Variants in SPATS2 observed in about 807,000 individuals in gnomAD.
SPATS2 encodes the protein spermatogenesis-associated serine-rich protein 2.
In SPATS2, 38 loss-of-function variants were observed where a neutral mutation model predicts 63.7. The observed-to-expected ratio is 0.60, with a 90% CI of 0.46 to 0.78. SPATS2 has a LOEUF of 0.78. Among genes scored for constraint, SPATS2 ranks in the 30% least tolerant of loss-of-function variants. The pLI is 0.00. For missense variants in SPATS2, 588 were observed against 666.2 expected, an observed-to-expected ratio of 0.88 and a Z score of 1.29; for synonymous variants, 207 against 232.9, an observed-to-expected ratio of 0.89 and a Z score of 1.01.
rs371477342 is a variant in SPATS2 at position 49,524,707 on chromosome 12, G to T, written c.1137G>T (p.Ser379=). ...TGTCTCATCCAAAGAACAGCTATTC[G>T]ACCAGATCCCGATGTAGCTCAGTTA... ...GQVSHPKNSY[S]TRSRCSSVTS... The change falls in exon 13 of 14, where the codon TCG becomes TCT. Residue 379 remains serine (S), a synonymous_variant. Transcript: ENST00000552918. 7 of 1,613,908 alleles carry T rather than the reference G, an allele frequency of 4.3e-6. No individual in the cohort carries two copies. Among genetic ancestry groups the T allele is most frequent in the Non-Finnish European group, 5.9e-6 (7 of 1,180,034 alleles).
At chr12:49,440,554 C>T (rs1945398653) in intron 2 of SPATS2, among the ~76,000 whole-genome samples, 1 of 151,778 alleles carries the variant, frequency 6.6e-6, no homozygotes, top group East Asian at 1.9e-4. Context: ...CTGCAACTTC[C>T]ACCTCCCGAG....
chr12:49,458,101 T>C (rs1945751469), intron 2 of SPATS2, among the ~76,000 whole-genome samples: 1 of 152,208 alleles, frequency 6.6e-6, no homozygotes, highest in African/African-American at 2.4e-5. Context: ...CTTTCCTTCT[T>C]GCATTGCATT....
rs111817539 is a variant in SPATS2 at position 49,450,716 on chromosome 12, G to A, written c.-243-10054G>A. 7.5e-3 allele frequency among the ~76,000 whole-genome samples: 1,136 copies of A among 151,492 alleles called. 10 individuals are homozygous for A. The highest frequency in any genetic ancestry group is 0.026 in the African/African-American group (1,070 of 41,234). On this transcript the variant is annotated intron_variant, in intron 2 of 13. Coordinates refer to ENST00000552918, the MANE Select transcript of SPATS2 (RefSeq NM_023071.4). The stretch of plus-strand genomic sequence containing the variant: ...GCGTCACCATGCCCAGCTAATTTTT[G>A]TATTTTTAGTAGAGATAGGGTTTCT...
intron 9 of SPATS2, among the ~76,000 whole-genome samples, chr12:49,503,340 A>T (rs1173645659): frequency 7.2e-6 from 1 of 138,732 alleles, no homozygotes; most frequent in African/African-American, 2.8e-5. Flanking sequence ...ATAGGGCGAG[A>T]CTCCATCTCA....
rs1218019445 is a variant in SPATS2 at position 49,426,205 on chromosome 12, C to CTT, written c.-243-34554_-243-34553dup. 3.3e-3 allele frequency among the ~76,000 whole-genome samples: 483 copies of CTT among 146,348 alleles called. 4 individuals are homozygous for CTT. The highest frequency in any genetic ancestry group is 0.011 in the African/African-American group (455 of 40,226). On this transcript the variant is annotated intron_variant, in intron 2 of 13. Transcript: ENST00000552918. Reference sequence around the variant, plus strand: ...AGTTTTTTTCTTTGTTTTTGGTAAACTTTTTTTTTTTTGATGTGTAATACA... The same window carrying CTT: ...AGTTTTTTTCTTTGTTTTTGGTAAACTTTTTTTTTTTTTTGATGTGTAATACA...
intron 2 of SPATS2, among the ~76,000 whole-genome samples, chr12:49,457,667 A>T (rs1347785130): frequency 2.6e-5 from 4 of 152,126 alleles, no homozygotes; most frequent in African/African-American, 9.7e-5. Context: ...TCCTGACCTC[A>T]GGTAATCCAC....
rs575736638 is a variant in SPATS2 at position 49,489,323 on chromosome 12, T to G, written c.106-142T>G. ...CTATTAATCATTCCCAGTGAGATGCTTGTATGTACTGTCACTGACACTAAA... is the reference window on the plus strand; with the variant it reads ...CTATTAATCATTCCCAGTGAGATGCGTGTATGTACTGTCACTGACACTAAA... On this transcript the variant is annotated intron_variant, in intron 4 of 13. Coordinates refer to ENST00000552918, the MANE Select transcript of SPATS2 (RefSeq NM_023071.4). 5.9e-6 allele frequency: 3 copies of G among 509,136 alleles called. No homozygotes were observed. The East Asian group carries it at 9.6e-5, about 16-fold the overall frequency. 31.5% of individuals were successfully genotyped at this position (509,136 alleles called of 1,614,324 possible). A position where few individuals can be genotyped will look rare whatever the true frequency, so the allele number is the denominator to read the frequency against.
chr12:49,472,078 T>C (rs1404286827), intron 3 of SPATS2, among the ~76,000 whole-genome samples: 1 of 151,980 alleles, frequency 6.6e-6, no homozygotes, highest in Non-Finnish European at 1.5e-5. Flanking sequence ...GTTGAGTCTA[T>C]AGTGAGCCAA....
intron 2 of SPATS2, among the ~76,000 whole-genome samples, chr12:49,394,127 T>G (rs1040886425): frequency 1.3e-5 from 2 of 151,938 alleles, no homozygotes. Context: ...GTGGGAAAAT[T>G]GCTTGAGCCC....
chr12:49,461,152 T>C, intron 3 of SPATS2, 115 bp downstream of exon 3: 1 of 1,069,078 alleles, frequency 9.4e-7, no homozygotes, highest in Non-Finnish European at 1.4e-6. Context: ...TACAAGTATT[T>C]ATGGATATTA....
At chr12:49,429,000 G>C (rs774012643) in intron 2 of SPATS2, among the ~76,000 whole-genome samples, 11 of 152,202 alleles carry the variant, frequency 7.2e-5, no homozygotes, top group African/African-American at 2.4e-4. Flanking sequence ...GCGAGGAGGA[G>C]GGCGCAGACA....
intron 11 of SPATS2, among the ~76,000 whole-genome samples, chr12:49,519,558 C>G (rs145500995): frequency 6.6e-6 from 1 of 151,114 alleles, no homozygotes; most frequent in Non-Finnish European, 1.5e-5. Flanking sequence ...CTGCCCCACC[C>G]GCCCCACCCT....
At chr12:49,404,289 A>ATTT (rs776854381) in intron 2 of SPATS2, among the ~76,000 whole-genome samples, 1 of 124,630 alleles carries the variant, frequency 8.0e-6, no homozygotes. Flanking sequence ...TTTTTTTTTC[A>ATTT]TTTTTTTTTT....
chr12:49,480,697 A>G (rs1278096832), intron 3 of SPATS2, among the ~76,000 whole-genome samples: 1 of 152,008 alleles, frequency 6.6e-6, no homozygotes, highest in Non-Finnish European at 1.5e-5. Flanking sequence ...TAAGGAACCA[A>G]CATGTGGTTT....
chr12:49,392,685 C>G (rs1260070848), intron 2 of SPATS2, among the ~76,000 whole-genome samples: 4 of 151,932 alleles, frequency 2.6e-5, no homozygotes, highest in Non-Finnish European at 5.9e-5. Flanking sequence ...TGCACTCCAG[C>G]GCCTAGGCAA....
intron 3 of SPATS2, among the ~76,000 whole-genome samples, chr12:49,474,252 CAATT>C (rs776399189): frequency 7.9e-5 from 12 of 152,142 alleles, no homozygotes; most frequent in Admixed American, 6.6e-4. Flanking sequence ...ATAATTTTAA[CAATT>C]AGTTGGAGAC....
At chr12:49,524,569 C>A in intron 12 of SPATS2, 113 bp from the exon 13 acceptor site, 1 of 1,123,498 alleles carries the variant, frequency 8.9e-7, no homozygotes, top group Non-Finnish European at 1.3e-6. Context: ...TTTCTTTATT[C>A]GAATAGACAG....
chr12:49,506,539 C>A (rs1342788434), intron 9 of SPATS2, among the ~76,000 whole-genome samples: 1 of 152,162 alleles, frequency 6.6e-6, no homozygotes, highest in African/African-American at 2.4e-5. Flanking sequence ...CCTGGCCCCA[C>A]CCTTGACACT....
intron 2 of SPATS2, among the ~76,000 whole-genome samples, chr12:49,373,299 A>G (rs1288362626): frequency 2.6e-5 from 4 of 152,030 alleles, no homozygotes; most frequent in African/African-American, 2.4e-5. Flanking sequence ...TAAATGTTAC[A>G]TGGAAGTTAA....
Sources: allele counts gnomAD v4.1 joint callset (sites outside exome capture counted in the v4.1 genomes callset), GRCh38; gene constraint gnomAD v4.1.1; transcripts MANE v1.5; gene names NCBI Gene and HGNC (gene_info 2026-07-23, HGNC 2026-07-21).